The following SERAC1 variants were observed in gnomAD, a reference collection of about 807,000 sequenced individuals.
The protein encoded by SERAC1 is protein SERAC1.
A neutral mutation model predicts 85.7 loss-of-function variants in SERAC1; 36 were observed. That is an observed-to-expected ratio of 0.42 (90% CI 0.32 to 0.55). The LOEUF is 0.55. Ranked by LOEUF, SERAC1 falls within the 20% of genes least tolerant of loss-of-function variation. SERAC1 has a pLI of 0.11. For synonymous variants in SERAC1, 242 were observed against 265.3 expected (o/e 0.91, Z 0.85); for missense variants, 629 against 796.2 (o/e 0.79, Z 2.53).
rs746614907 is a variant in SERAC1, at chr6:158,128,247, G to T, written c.876C>A (p.Ile292=). The change falls in exon 10 of 17, where the codon ATC becomes ATA. Residue 292 remains isoleucine (I), a synonymous_variant. Transcript: ENST00000647468. ...GTAGCTGCAGGCCTCCATTTGCTTC[G>T]ATTTTATCACAATGTGTGGATATCT... ...HSEISTHCDK[I]EANGGLQLLQ... The T allele has an allele frequency of 3.7e-6, 6 of 1,613,784 alleles. No homozygotes were observed. Among genetic ancestry groups the T allele is most frequent in the Non-Finnish European group, 5.1e-6 (6 of 1,179,928 alleles).
In SERAC1 at chr6:158,111,230, T is replaced by C; in HGVS notation, c.*136A>G. Reference sequence around the variant, plus strand: ...CGCTTGAAGGGAGAACAATGTTCTGTAGTCTGCAACACACTCCAGACCATG... The same window carrying C: ...CGCTTGAAGGGAGAACAATGTTCTGCAGTCTGCAACACACTCCAGACCATG... On this transcript the variant is annotated 3_prime_UTR_variant, in exon 17 of 17. Coordinates refer to ENST00000647468, the MANE Select transcript of SERAC1 (RefSeq NM_032861.4). 5 of 800,944 alleles carry C rather than the reference T, an allele frequency of 6.2e-6. No individual in the cohort carries two copies. Among genetic ancestry groups the C allele is most frequent in the Non-Finnish European group, 9.5e-6 (5 of 528,108 alleles). The allele number at this position is 800,944 out of a possible 1,614,324, so 49.6% of individuals were successfully genotyped here.
chr6:158,152,512 T>C (rs6940262), intron 3 of SERAC1, among the ~76,000 whole-genome samples: 5,347 of 150,630 alleles, frequency 0.035, 304 homozygotes, highest in African/African-American at 0.12. Flanking sequence ...CAAGACTCCA[T>C]CTCCGAAAAA....
rs372754952 is a variant in SERAC1 at position 158,148,880 on chromosome 6, G to T, written c.340C>A (p.Arg114=). ...KVLATSAKIL[R]NPFADPFSTV... ...GGATATTTACCAGCAAATGGATTCC[G>T]CAGTATCTTGGCTGATGTTGCCAAT... Residue 114 remains arginine, a synonymous_variant, in exon 5 of 17, where the codon CGG becomes AGG. Coordinates refer to ENST00000647468, the MANE Select transcript of SERAC1 (RefSeq NM_032861.4). 3 of 1,609,660 alleles carry T rather than the reference G, an allele frequency of 1.9e-6. No individual in the cohort carries two copies. The highest frequency in any genetic ancestry group is 2.2e-5 in the South Asian group (2 of 89,960).
chr6:158,159,504 CAAAAAAA>C (rs71027385), intron 1 of SERAC1, among the ~76,000 whole-genome samples: 2 of 108,400 alleles, frequency 1.8e-5, no homozygotes, highest in South Asian at 6.2e-4. Flanking sequence ...GACCCGGTTT[CAAAAAAA>C]AAAAAAAAAG....
At chr6:158,158,396 AT>A in intron 1 of SERAC1, 32 bp from the exon 2 acceptor site, 1 of 1,513,368 alleles carries the variant, frequency 6.6e-7, no homozygotes, top group East Asian at 2.3e-5. Flanking sequence ...AACAAATTTA[AT>A]TTAGCATCTA....
intron 1 of SERAC1, among the ~76,000 whole-genome samples, chr6:158,159,467 C>G (rs1785433223): frequency 1.3e-5 from 2 of 149,758 alleles, no homozygotes; most frequent in Non-Finnish European, 1.5e-5. Context: ...CCACTGTACT[C>G]CAGCCTGTCG....
At position 158,148,956 on chromosome 6, in the gene SERAC1, TAAAA is replaced by T; in HGVS notation, c.266-6_266-3del. 1 of 1,580,986 alleles carries T rather than the reference TAAAA, an allele frequency of 6.3e-7. No homozygotes were observed. Among genetic ancestry groups the T allele is most frequent in the South Asian group, 1.2e-5 (1 of 86,038 alleles). On this transcript the variant is annotated splice_polypyrimidine_tract_variant and splice_region_variant and intron_variant, in intron 4 of 16. Coordinates refer to ENST00000647468, the MANE Select transcript of SERAC1 (RefSeq NM_032861.4). ...CTTTTCTTGCCTGCCAGGCAATACC[TAAAA>T]TGATTATAAAATTAAGTAAAACCAA...
chr6:158,164,399 T>A (rs1189665691), intron 1 of SERAC1, among the ~76,000 whole-genome samples: 1 of 151,856 alleles, frequency 6.6e-6, no homozygotes, highest in African/African-American at 2.4e-5. Flanking sequence ...GGCGTGAAAC[T>A]AGGAGGTGCA....
At chr6:158,124,142 G>C (rs928761498) in intron 10 of SERAC1, among the ~76,000 whole-genome samples, 45 of 151,966 alleles carry the variant, frequency 3.0e-4, no homozygotes, top group African/African-American at 1.0e-3. Context: ...TTTCAGAGAA[G>C]AGTCATTTTT....
At position 158,114,811 on chromosome 6, in the gene SERAC1, C is replaced by T; in HGVS notation, c.1662G>A (p.Leu554=). ...VNIRYLLFPS[L]EVKELSKDSP... ...TACCCTTGCTGAGTTCTTTGACTTC[C>T]AACGAGGGGAAGAGAAGATAGCGAA... The change falls in exon 15 of 17, where the codon TTG becomes TTA. Residue 554 remains leucine, a synonymous_variant. Coordinates refer to ENST00000647468, the MANE Select transcript of SERAC1 (RefSeq NM_032861.4). 6.2e-7 allele frequency: 1 copy of T among 1,602,530 alleles called. No homozygotes were observed. The highest frequency in any genetic ancestry group is 8.5e-7 in the Non-Finnish European group (1 of 1,175,670).
chr6:158,143,345 C>A (rs113930649), intron 7 of SERAC1, among the ~76,000 whole-genome samples, 161 bp from the exon 8 acceptor site: 52 of 26,434 alleles, frequency 2.0e-3, no homozygotes, highest in African/African-American at 7.1e-3. Context: ...CTCTCTCTCT[C>A]TCTATATATA....
In SERAC1 at chr6:158,110,897, T is replaced by C. The variant is rs1376326343; in HGVS notation, c.*469A>G. 6.6e-6 allele frequency: 1 copy of C among 152,372 alleles called. No homozygotes were observed. The highest frequency in any genetic ancestry group is 1.5e-5 in the Non-Finnish European group (1 of 68,164). 9.4% of individuals were successfully genotyped at this position (152,372 alleles called of 1,614,324 possible). ...GAGCTAAAAACTCAAACTTTAAAAATGTACAGCAAATCAATACCCAGAAGT... is the reference window on the plus strand; with the variant it reads ...GAGCTAAAAACTCAAACTTTAAAAACGTACAGCAAATCAATACCCAGAAGT... On this transcript the variant is annotated 3_prime_UTR_variant, in exon 17 of 17. Coordinates refer to ENST00000647468, the MANE Select transcript of SERAC1 (RefSeq NM_032861.4).
rs6933016 is a variant in SERAC1 at position 158,158,205 on chromosome 6, T to C, written c.91+68A>G. On this transcript the variant is annotated intron_variant, in intron 2 of 16. Coordinates refer to ENST00000647468, the MANE Select transcript of SERAC1 (RefSeq NM_032861.4). ...GGGTTCAAAAAGTTTTTGTGGCCCATCTTAGAAATGGCCACAATTCTATCA... is the reference window on the plus strand; with the variant it reads ...GGGTTCAAAAAGTTTTTGTGGCCCACCTTAGAAATGGCCACAATTCTATCA... The C allele has an allele frequency of 0.29, 354,409 of 1,203,186 alleles. 55,617 individuals are homozygous for C. Among genetic ancestry groups the C allele is most frequent in the Admixed American group, 0.52 (25,136 of 48,286 alleles). The allele number at this position is 1,203,186 out of a possible 1,614,324, so 74.5% of individuals were successfully genotyped here. A position where few individuals can be genotyped will look rare whatever the true frequency, so the allele number is the denominator to read the frequency against.
intron 1 of SERAC1, among the ~76,000 whole-genome samples, chr6:158,167,520 A>T (rs1056572689): frequency 4.2e-5 from 6 of 142,446 alleles, no homozygotes; most frequent in Admixed American, 7.5e-5. Context: ...CCTGGCAGAC[A>T]GACCGAGACT....
At chr6:158,167,075 GGAA>G (rs1785615306) in intron 1 of SERAC1, among the ~76,000 whole-genome samples, 3 of 152,010 alleles carry the variant, frequency 2.0e-5, no homozygotes, top group African/African-American at 7.2e-5. Flanking sequence ...AAGATACTTG[GGAA>G]GAAGAAGACT....
intron 8 of SERAC1, among the ~76,000 whole-genome samples, chr6:158,135,512 G>T (rs1784771670): frequency 1.3e-5 from 2 of 152,012 alleles, no homozygotes; most frequent in Admixed American, 6.6e-5. Flanking sequence ...CAGCCTGGGT[G>T]ACAGAGCGAG....
intron 3 of SERAC1, among the ~76,000 whole-genome samples, chr6:158,154,941 G>C (rs988881747): frequency 2.6e-5 from 4 of 152,004 alleles, no homozygotes; most frequent in African/African-American, 9.7e-5. Flanking sequence ...AGCTGAGTGA[G>C]TGCCTGATTT....
intron 3 of SERAC1, among the ~76,000 whole-genome samples, chr6:158,155,080 G>A (rs978533251): frequency 1.3e-5 from 2 of 152,230 alleles, no homozygotes; most frequent in African/African-American, 4.8e-5. Context: ...CACAGCAGCA[G>A]TGCCTGGCAG....
At chr6:158,152,748 T>C (rs1015077765) in intron 3 of SERAC1, 5 of 152,184 alleles carry the variant, frequency 3.3e-5, no homozygotes, top group African/African-American at 7.2e-5. Context: ...TGTGTTATAA[T>C]AGCCTACCGT....
Sources: allele counts gnomAD v4.1 joint callset (sites outside exome capture counted in the v4.1 genomes callset), GRCh38; gene constraint gnomAD v4.1.1; transcripts MANE v1.5; gene names NCBI Gene and HGNC (gene_info 2026-07-23, HGNC 2026-07-21).